The following KDM4C variants were observed in gnomAD, a reference collection of about 807,000 sequenced individuals.
KDM4C encodes the protein lysine demethylase 4C.
A neutral mutation model predicts 129.3 loss-of-function variants in KDM4C; 81 were observed. The observed-to-expected ratio is 0.63, with a 90% CI of 0.52 to 0.75. The LOEUF (loss-of-function observed/expected upper bound fraction) is 0.75. KDM4C is among the 30% of genes least tolerant of loss of function. The pLI, the probability that KDM4C is intolerant of heterozygous loss-of-function variation, is 0.00. For synonymous variants in KDM4C, 573 were observed against 456.1 expected (o/e 1.26, Z -3.26); for missense variants, 1,457 against 1,304.0 (o/e 1.12, Z -1.81).
intron 4 of KDM4C, chr9:6,814,973 G>C (rs1419258229): frequency 5.6e-6 from 2 of 357,012 alleles, no homozygotes; most frequent in African/African-American, 4.2e-5. Context: ...CATGGTATGT[G>C]GTTATCTGGC....
At chr9:6,990,328 GATAA>G (rs1224539606) in intron 11 of KDM4C, 84 bp from the exon 12 acceptor site, 2 of 851,120 alleles carry the variant, frequency 2.3e-6, no homozygotes, top group Middle Eastern at 4.8e-4. Flanking sequence ...AACATTAAGT[GATAA>G]ATAATTGTGA....
At chr9:6,738,826 T>G (rs1027284617) in intron 1 of KDM4C, among the ~76,000 whole-genome samples, 1 of 151,890 alleles carries the variant, frequency 6.6e-6, no homozygotes, top group Non-Finnish European at 1.5e-5. Flanking sequence ...CTTGAACTCC[T>G]GACCTCAGGT....
chr9:7,170,380 C>T (rs1844837715), intron 21 of KDM4C: 1 of 999,734 alleles, frequency 1.0e-6, no homozygotes, highest in African/African-American at 1.7e-5. Context: ...TTAAGCTAAA[C>T]TCTGACTTTC....
intron 8 of KDM4C, among the ~76,000 whole-genome samples, chr9:6,967,070 A>G (rs1240225393): frequency 6.6e-6 from 1 of 152,130 alleles, no homozygotes; most frequent in Non-Finnish European, 1.5e-5. Context: ...CATACAAAGA[A>G]CCTGAAAAAC....
chr9:7,167,658 G>T (rs553892294), intron 20 of KDM4C, among the ~76,000 whole-genome samples: 10 of 152,308 alleles, frequency 6.6e-5, no homozygotes, highest in Non-Finnish European at 1.0e-4. Context: ...CTAACAGTAC[G>T]TGGATAATAA....
At chr9:7,021,668 C>A (rs1824886123) in intron 15 of KDM4C, among the ~76,000 whole-genome samples, 1 of 152,054 alleles carries the variant, frequency 6.6e-6, no homozygotes, top group South Asian at 2.1e-4. Context: ...TGATGTGATC[C>A]CATTTATCCA....
At chr9:7,128,393 A>G (rs1402357968) in intron 19 of KDM4C, among the ~76,000 whole-genome samples, 157 bp downstream of exon 19, 2 of 152,076 alleles carry the variant, frequency 1.3e-5, no homozygotes, top group East Asian at 1.9e-4. Flanking sequence ...GTGAACTTAG[A>G]CTGATCTTCC....
chr9:6,998,696 T>G (rs1820215642), intron 12 of KDM4C, among the ~76,000 whole-genome samples: 1 of 152,132 alleles, frequency 6.6e-6, no homozygotes, highest in South Asian at 2.1e-4. Context: ...CTTGGGAGGC[T>G]GAGGCAAGAG....
intron 1 of KDM4C, among the ~76,000 whole-genome samples, chr9:6,771,503 G>A (rs934422239): frequency 6.6e-6 from 1 of 151,386 alleles, no homozygotes; most frequent in Non-Finnish European, 1.5e-5. Context: ...TAGAGACGGG[G>A]TTTCTCCATG....
At chr9:6,757,474 T>C (rs1420412153), upstream of KDM4C, among the ~76,000 whole-genome samples, 2 of 152,188 alleles carry the variant, frequency 1.3e-5, no homozygotes, top group African/African-American at 2.4e-5. Flanking sequence ...GGATCTCCCA[T>C]TGTGGGAAGG....
chr9:7,056,518 A>G (rs532425319), intron 17 of KDM4C, among the ~76,000 whole-genome samples: 1 of 152,328 alleles, frequency 6.6e-6, no homozygotes, highest in African/African-American at 2.4e-5. Context: ...GCTACAAATA[A>G]TATACTTTCT....
chr9:6,996,456 A>G (rs1393673261), intron 12 of KDM4C, among the ~76,000 whole-genome samples: 1 of 152,240 alleles, frequency 6.6e-6, no homozygotes, highest in Admixed American at 6.5e-5. Flanking sequence ...TCAATTAAAA[A>G]TGGAAAAATT....
At chr9:6,795,572 C>T (rs10975833) in intron 2 of KDM4C, among the ~76,000 whole-genome samples, 95,920 of 151,972 alleles carry the variant, frequency 0.63, 30,646 homozygotes, top group African/African-American at 0.72. Flanking sequence ...CCTCAAATGA[C>T]CTGCCTTCCT....
intron 12 of KDM4C, among the ~76,000 whole-genome samples, chr9:6,994,608 T>TA (rs1819362140): frequency 1.3e-5 from 2 of 152,212 alleles, no homozygotes; most frequent in East Asian, 3.9e-4. Context: ...TTAAATCACT[T>TA]ATGGATTCAA....
At chr9:6,867,017 A>ATT (rs139668753) in intron 5 of KDM4C, among the ~76,000 whole-genome samples, 978 of 83,690 alleles carry the variant, frequency 0.012, 16 homozygotes, top group Non-Finnish European at 0.017. Flanking sequence ...ATATATATAT[A>ATT]TTTTTTTTTT....
At chr9:7,060,637 A>G (rs764021413) in intron 17 of KDM4C, among the ~76,000 whole-genome samples, 15 of 151,972 alleles carry the variant, frequency 9.9e-5, no homozygotes, top group African/African-American at 1.4e-4. Context: ...GCATGCCACC[A>G]TGCCCAGCTA....
intron 8 of KDM4C, among the ~76,000 whole-genome samples, chr9:6,973,038 C>T (rs1444851027): frequency 6.6e-6 from 1 of 152,082 alleles, no homozygotes; most frequent in Non-Finnish European, 1.5e-5. Context: ...AGAGGGAAGG[C>T]AGGGATTGCT....
At chr9:6,775,764 C>T (rs988387766) in intron 1 of KDM4C, among the ~76,000 whole-genome samples, 10 of 151,252 alleles carry the variant, frequency 6.6e-5, no homozygotes, top group South Asian at 4.2e-4. Flanking sequence ...TCAGGTGATC[C>T]GCCTGCCTCG....
intron 1 of KDM4C, among the ~76,000 whole-genome samples, chr9:6,724,525 A>G (rs1204518809): frequency 6.6e-6 from 1 of 151,992 alleles, no homozygotes; most frequent in African/African-American, 2.4e-5. Flanking sequence ...TATTATTATT[A>G]TTGTTATTAT....
Sources: allele counts gnomAD v4.1 joint callset (sites outside exome capture counted in the v4.1 genomes callset), GRCh38; gene constraint gnomAD v4.1.1; transcripts MANE v1.5; gene names NCBI Gene and HGNC (gene_info 2026-07-23, HGNC 2026-07-21).